Variants in DOCK2 observed in about 807,000 individuals in gnomAD.
DOCK2 encodes the protein dedicator of cytokinesis 2.
DOCK2 carries 87 observed loss-of-function variants against 248.9 expected under a neutral mutation model. The observed-to-expected ratio is 0.35, with a 90% CI of 0.29 to 0.42. The LOEUF (loss-of-function observed/expected upper bound fraction) is 0.42. DOCK2 is among the 10% of genes least tolerant of loss of function. The pLI is 1.00. For missense variants in DOCK2, 1,747 were observed against 2,300.2 expected (o/e 0.76, Z 4.92); for synonymous variants, 805 against 821.6 (o/e 0.98, Z 0.35).
intron 26 of DOCK2, 104 bp downstream of exon 26, chr5:169,803,310 A>G: frequency 6.9e-7 from 1 of 1,457,636 alleles, no homozygotes; most frequent in Non-Finnish European, 9.2e-7. Flanking sequence ...GTCTAAAGAT[A>G]AAAGTCAACG....
At chr5:169,807,833 C>CCAAAAAAAAAAAAAAAAAAAAAAA (rs1767483380) in intron 26 of DOCK2, among the ~76,000 whole-genome samples, 1 of 24,218 alleles carries the variant, frequency 4.1e-5, no homozygotes, top group African/African-American at 9.0e-5. Flanking sequence ...GACTCTGTCT[C>CCAAAAAAAAAAAAAAAAAAAAAAA]AAAAAAAAAA....
chr5:169,801,874 A>G (rs919293393), intron 25 of DOCK2, among the ~76,000 whole-genome samples: 2 of 150,466 alleles, frequency 1.3e-5, no homozygotes, highest in African/African-American at 2.4e-5. Context: ...GGGCAGAACC[A>G]CATCTTATCT....
intron 26 of DOCK2, among the ~76,000 whole-genome samples, chr5:169,838,024 T>C (rs1769697297): frequency 6.6e-6 from 1 of 152,074 alleles, no homozygotes; most frequent in Non-Finnish European, 1.5e-5. Context: ...TGAAAACCAT[T>C]ATATAAATTT....
intron 27 of DOCK2, among the ~76,000 whole-genome samples, chr5:169,895,479 G>A (rs1039519406): frequency 1.3e-5 from 2 of 152,030 alleles, no homozygotes; most frequent in African/African-American, 4.8e-5. Context: ...ACTCACCTGA[G>A]TCTTCTCCCC....
chr5:169,750,441 G>C (rs1429640663), intron 23 of DOCK2, among the ~76,000 whole-genome samples: 4 of 152,234 alleles, frequency 2.6e-5, no homozygotes, highest in Non-Finnish European at 5.9e-5. Context: ...CAATGCCTCA[G>C]TTTCCTCATC....
chr5:169,747,310 A>T, intron 22 of DOCK2, 86 bp from the exon 23 acceptor site: 1 of 1,265,676 alleles, frequency 7.9e-7, no homozygotes, highest in Non-Finnish European at 1.1e-6. Context: ...TTTGTTTTAA[A>T]TTTTAAATGA....
intron 9 of DOCK2, among the ~76,000 whole-genome samples, chr5:169,690,559 A>G (rs1226242445): frequency 6.6e-6 from 1 of 152,226 alleles, no homozygotes; most frequent in African/African-American, 2.4e-5. Context: ...TGCTTAGGCA[A>G]AGTTTTCTTG....
chr5:169,774,052 G>A (rs1242924818), intron 25 of DOCK2, among the ~76,000 whole-genome samples: 1 of 152,084 alleles, frequency 6.6e-6, no homozygotes, highest in Non-Finnish European at 1.5e-5. Flanking sequence ...TCAGCAGCGT[G>A]AAAATGGGCT....
At chr5:169,969,337 C>T (rs377704728) in intron 27 of DOCK2, among the ~76,000 whole-genome samples, 65 of 151,888 alleles carry the variant, frequency 4.3e-4, no homozygotes, top group African/African-American at 1.4e-3. Flanking sequence ...CCCAGCTACT[C>T]GGGAGGCTGA....
intron 44 of DOCK2, among the ~76,000 whole-genome samples, chr5:170,062,227 G>T (rs935326077): frequency 1.3e-5 from 2 of 152,166 alleles, no homozygotes; most frequent in East Asian, 3.9e-4. Context: ...CAGACTCAGG[G>T]TAAGGGAGTA....
intron 26 of DOCK2, among the ~76,000 whole-genome samples, chr5:169,818,386 T>C (rs2113220948): frequency 6.6e-6 from 1 of 152,306 alleles, no homozygotes; most frequent in South Asian, 2.1e-4. Flanking sequence ...TTGATTTGGA[T>C]TGAGTTAAAT....
intron 9 of DOCK2, 72 bp downstream of exon 9, chr5:169,689,405 C>A: frequency 2.0e-6 from 3 of 1,520,408 alleles, no homozygotes; most frequent in South Asian, 1.1e-5. Flanking sequence ...TGAGGCTGGT[C>A]AGGAGCTCAG....
chr5:169,864,256 G>A, intron 27 of DOCK2: 2 of 1,549,060 alleles, frequency 1.3e-6, no homozygotes, highest in Non-Finnish European at 1.7e-6. Flanking sequence ...GGGGGCTGGG[G>A]GATGGTCCCA....
intron 30 of DOCK2, among the ~76,000 whole-genome samples, chr5:169,998,218 C>A (rs1754714330): frequency 6.6e-6 from 1 of 152,192 alleles, no homozygotes; most frequent in Admixed American, 6.5e-5. Flanking sequence ...CTCTTTCCTC[C>A]CATAGAACTT....
chr5:169,799,129 G>A (rs562074654), intron 25 of DOCK2, among the ~76,000 whole-genome samples: 34 of 152,092 alleles, frequency 2.2e-4, no homozygotes, highest in Non-Finnish European at 4.6e-4. Context: ...CATCACCATG[G>A]CATCTTCACT....
At chr5:169,727,480 G>T (rs1392761615) in intron 22 of DOCK2, among the ~76,000 whole-genome samples, 1 of 152,138 alleles carries the variant, frequency 6.6e-6, no homozygotes, top group Non-Finnish European at 1.5e-5. Flanking sequence ...GTGGAGGGGG[G>T]CCTGATGCAT....
intron 25 of DOCK2, among the ~76,000 whole-genome samples, chr5:169,799,347 T>A (rs1257082609): frequency 1.3e-5 from 2 of 152,204 alleles, no homozygotes; most frequent in African/African-American, 4.8e-5. Context: ...AATTATCACA[T>A]CAATGAAGGC....
intron 22 of DOCK2, among the ~76,000 whole-genome samples, chr5:169,725,830 A>G (rs1224463369): frequency 6.6e-6 from 1 of 152,200 alleles, no homozygotes; most frequent in Non-Finnish European, 1.5e-5. Flanking sequence ...TGCAAAGGAC[A>G]TGAACTCATC....
At chr5:169,684,777 G>A (rs1483303695) in intron 8 of DOCK2, among the ~76,000 whole-genome samples, 1 of 152,198 alleles carries the variant, frequency 6.6e-6, no homozygotes, top group Non-Finnish European at 1.5e-5. Context: ...AGCCTCCTGA[G>A]TAGCTGGGAC....
Sources: gnomAD v4.1 joint callset for allele counts (sites outside exome capture counted in the v4.1 genomes callset) on GRCh38, gnomAD v4.1.1 for gene constraint, MANE v1.5 for transcripts, NCBI Gene and HGNC (gene_info 2026-07-23, HGNC 2026-07-21) for gene names.